Variants in MLPH observed in about 807,000 individuals in gnomAD.
MLPH encodes melanophilin, also known as exophilin-3.
A neutral mutation model predicts 72.1 loss-of-function variants in MLPH; 51 were observed. The observed-to-expected ratio is 0.71, with a 90% CI of 0.56 to 0.89. The LOEUF (loss-of-function observed/expected upper bound fraction) is 0.89. MLPH is among the 40% of genes least tolerant of loss of function. The pLI, the probability that MLPH is intolerant of heterozygous loss-of-function variation, is 0.00. For synonymous variants in MLPH, 301 were observed against 310.1 expected (o/e 0.97, Z 0.31); for missense variants, 743 against 759.9 (o/e 0.98, Z 0.26).
In MLPH at chr2:237,512,358, G is replaced by A. The variant is rs1381718772; in HGVS notation, c.445+1257G>A. On this transcript the variant is annotated intron_variant, in intron 4 of 15. Transcript: ENST00000264605. The surrounding 1 kb of genome is among the most constrained non-coding windows in gnomAD (Gnocchi z 5.5). ...AGCCCATCGTTTAATTTAGGACAGA[G>A]GCCACGGAGAGGCACCGCTGGAGCA... 6.6e-6 allele frequency among the ~76,000 whole-genome samples: 1 copy of A among 152,236 alleles called. No individual in the cohort carries two copies. Among genetic ancestry groups the A allele is most frequent in the Non-Finnish European group, 1.5e-5 (1 of 68,052 alleles).
intron 12 of MLPH, chr2:237,546,392 A>G (rs1409822273): frequency 6.8e-6 from 4 of 588,602 alleles, no homozygotes; most frequent in Non-Finnish European, 1.2e-5. Flanking sequence ...CTGAAATTCA[A>G]AGTTCCCTGG....
intron 12 of MLPH, chr2:237,545,620 A>AG: frequency 1.6e-6 from 2 of 1,286,140 alleles, no homozygotes; most frequent in Non-Finnish European, 2.0e-6. Flanking sequence ...AGGGCGCGGG[A>AG]GGCTCACATC....
chr2:237,510,848 G>A lies in MLPH; in HGVS notation c.332+53G>A, dbSNP rs2079877900. On this transcript the variant is annotated intron_variant, in intron 3 of 15. Transcript: ENST00000264605. This position sits in a 1 kb window ranked among gnomAD's most constrained non-coding sequence, Gnocchi z 4.4. ...CCTTGATAGTTTCTGGATCTGGCGT[G>A]TCCCTTCCATGGGGCTAGCTGAAGA... The A allele has an allele frequency of 6.2e-7, 1 of 1,603,002 alleles. No individual in the cohort carries two copies. Among genetic ancestry groups the A allele is most frequent in the African/African-American group, 1.3e-5 (1 of 74,812 alleles).
In MLPH at chr2:237,546,636, G is replaced by A; in HGVS notation, c.1570G>A (p.Gly524Ser). Reference protein sequence around the residue: ...IFLPRVAGKLGKRPEDPNADP... With the variant: ...IFLPRVAGKLSKRPEDPNADP... ...TCTCCCTCGAGTGGCTGGGAAACTTGGCAAGAGACCAGAGGACCCAAATGC... is the reference window on the plus strand; with the variant it reads ...TCTCCCTCGAGTGGCTGGGAAACTTAGCAAGAGACCAGAGGACCCAAATGC... Residue 524 changes from glycine (G) to serine (S), a missense_variant, in exon 13 of 16, where the codon GGC (glycine) becomes AGC (serine). By Grantham distance (56) the Gly-to-Ser change is moderately conservative. Transcript: ENST00000264605. 4 of 1,614,132 alleles carry A rather than the reference G, an allele frequency of 2.5e-6. No individual in the cohort carries two copies. The highest frequency in any genetic ancestry group is 3.4e-6 in the Non-Finnish European group (4 of 1,180,014).
At chr2:237,531,208 G>T (rs1048017391) in intron 8 of MLPH, among the ~76,000 whole-genome samples, 1 of 152,164 alleles carries the variant, frequency 6.6e-6, no homozygotes, top group Non-Finnish European at 1.5e-5. Flanking sequence ...TCAGGAAGTG[G>T]CTTTCTTGAC....
At chr2:237,530,359 C>G (rs943507535) in intron 8 of MLPH, among the ~76,000 whole-genome samples, 3 of 152,164 alleles carry the variant, frequency 2.0e-5, no homozygotes, top group Non-Finnish European at 4.4e-5. Context: ...GCTTCTGCAC[C>G]CAGAGAAATG....
rs1261678430 is a variant in MLPH, at chr2:237,525,582, G to A, written c.676-19G>A. On this transcript the variant is annotated intron_variant, in intron 6 of 15. Coordinates refer to ENST00000264605, the MANE Select transcript of MLPH (RefSeq NM_024101.7). ...CCTAGTAAACCCTGCAGAGGAGGCT[G>A]ACAGCCCCATGTGCTTAGTCCCTCA... 1.4e-5 allele frequency: 22 copies of A among 1,613,684 alleles called. No homozygotes were observed. Among genetic ancestry groups the A allele is most frequent in the Non-Finnish European group, 1.9e-5 (22 of 1,179,686 alleles).
chr2:237,552,535 T>G, intron 15 of MLPH, 98 bp downstream of exon 15: 1 of 1,031,178 alleles, frequency 9.7e-7, no homozygotes, highest in Non-Finnish European at 1.5e-6. Flanking sequence ...AAAATGGAGA[T>G]AAACAAAACA....
At position 237,493,511 on chromosome 2, in the gene MLPH, C is replaced by A. The variant is rs767436331; in HGVS notation, c.85C>A (p.Arg29=). ...LEVVQRDFDL[R]RKEEERLEAL... ...AGTTGTTCAACGAGATTTTGACCTC[C>A]GAAGGAAAGAAGAGGAACGGCTAGA... The change falls in exon 2 of 16, where the codon CGA becomes AGA. Residue 29 remains arginine (R), a synonymous_variant. Coordinates refer to ENST00000264605, the MANE Select transcript of MLPH (RefSeq NM_024101.7). 1 of 1,613,762 alleles carries A rather than the reference C, an allele frequency of 6.2e-7. No individual in the cohort carries two copies. Among genetic ancestry groups the A allele is most frequent in the Admixed American group, 1.7e-5 (1 of 60,004 alleles).
intron 1 of MLPH, among the ~76,000 whole-genome samples, chr2:237,488,718 G>C: frequency 6.6e-6 from 1 of 152,196 alleles, no homozygotes; most frequent in Non-Finnish European, 1.5e-5. Flanking sequence ...CGACATGAGT[G>C]ACTCAGAAAA....
Position 237,553,578 on chromosome 2 carries a change from G to T in MLPH, c.1789G>T (p.Ala597Ser), listed in dbSNP as rs368830696. Residue 597 changes from alanine to serine, a missense_variant, in exon 16 of 16, where the codon GCC (alanine) becomes TCC (serine). Ala to Ser is a moderately conservative substitution (Grantham distance 99). Coordinates refer to ENST00000264605, the MANE Select transcript of MLPH (RefSeq NM_024101.7). Reference sequence around the variant, plus strand: ...TTGTACTTTACAGAAACCTGTGGTGGCCCACCAGTCCTAACGGGACAGGAC... The same window carrying T: ...TTGTACTTTACAGAAACCTGTGGTGTCCCACCAGTCCTAACGGGACAGGAC... The part of the protein sequence containing the change: ...ASHTFAKPVV[A>S]HQS 5.6e-5 allele frequency: 90 copies of T among 1,614,026 alleles called. No homozygotes were observed. Among genetic ancestry groups the T allele is most frequent in the Non-Finnish European group, 7.4e-5 (87 of 1,180,042 alleles).
chr2:237,489,738 G>A, intron 1 of MLPH, among the ~76,000 whole-genome samples: 1 of 152,140 alleles, frequency 6.6e-6, no homozygotes, highest in East Asian at 1.9e-4. Context: ...TTGTTCCAAG[G>A]CTCCCCAAGC....
chr2:237,550,671 T>C (rs66722478), intron 14 of MLPH, among the ~76,000 whole-genome samples: 21,975 of 152,144 alleles, frequency 0.14, 2,582 homozygotes, highest in East Asian at 0.37. Context: ...TGCCTCTGCC[T>C]CCTGAGTAGC....
At position 237,518,431 on chromosome 2, in the gene MLPH, T is replaced by A. The variant is rs747075121; in HGVS notation, c.446-108T>A. ...GGTGAATGGATGAAGGAGGGAGGGA[T>A]GGGCAGGTAGATGGATAGATTAGTG... On this transcript the variant is annotated intron_variant, in intron 4 of 15. Transcript: ENST00000264605. 142 of 859,860 alleles carry A rather than the reference T, an allele frequency of 1.7e-4. 1 individual carries two copies. Among genetic ancestry groups the A allele is most frequent in the Middle Eastern group, 6.5e-4 (3 of 4,624 alleles). 53.3% of individuals were successfully genotyped at this position (859,860 alleles called of 1,614,324 possible). A position where few individuals can be genotyped will look rare whatever the true frequency, so the allele number is the denominator to read the frequency against.
rs921778262 is a variant in MLPH at position 237,540,473 on chromosome 2, C to A, written c.1230C>A (p.Asp410Glu). The stretch of plus-strand genomic sequence containing the variant: ...CGTCCGAGGAGGAGGAAGCCAAGGA[C>A]GAAAAGGCAGAGCCCAACAGGGACA... ...ETSSEEEEAK[D>E]EKAEPNRDKS... Residue 410 changes from aspartate (D) to glutamate (E), a missense_variant, in exon 10 of 16, where the codon GAC (aspartate) becomes GAA (glutamate). Transcript: ENST00000264605. 1 of 1,613,282 alleles carries A rather than the reference C, an allele frequency of 6.2e-7. No homozygotes were observed. The highest frequency in any genetic ancestry group is 8.5e-7 in the Non-Finnish European group (1 of 1,179,988).
intron 4 of MLPH, among the ~76,000 whole-genome samples, chr2:237,513,960 G>C (rs932910843): frequency 6.6e-6 from 1 of 152,174 alleles, no homozygotes; most frequent in Non-Finnish European, 1.5e-5. Flanking sequence ...AGATTCATTG[G>C]ACAAAAGATT....
chr2:237,552,199 A>T (rs2081053515), intron 14 of MLPH, 138 bp from the exon 15 acceptor site: 1 of 673,580 alleles, frequency 1.5e-6, no homozygotes, highest in Admixed American at 2.7e-5. Context: ...TTTTTAAAAA[A>T]TATGTGATGT....
Position 237,493,520 on chromosome 2 carries a change from G to T in MLPH, c.94G>T (p.Glu32Ter). 6.2e-7 allele frequency: 1 copy of T among 1,613,720 alleles called. No individual in the cohort carries two copies. The highest frequency in any genetic ancestry group is 1.1e-5 in the South Asian group (1 of 91,072). Residue 32 changes from glutamate to a stop codon, truncating the protein, a stop_gained, in exon 2 of 16, where the codon GAA becomes TAA. Coordinates refer to ENST00000264605, the MANE Select transcript of MLPH (RefSeq NM_024101.7). LOFTEE classifies it high-confidence loss of function. Reference protein sequence around the residue: ...VQRDFDLRRKEEERLEALKGK... With the variant: ...VQRDFDLRRK ...ACGAGATTTTGACCTCCGAAGGAAA[G>T]AAGAGGAACGGCTAGAGTGAGTGTG...
chr2:237,519,292 A>G (rs1286385015), intron 5 of MLPH, among the ~76,000 whole-genome samples: 1 of 151,952 alleles, frequency 6.6e-6, no homozygotes, highest in Non-Finnish European at 1.5e-5. Flanking sequence ...TTCAACATGA[A>G]CCAACTCTTT....
Sources: allele counts gnomAD v4.1 joint callset (sites outside exome capture counted in the v4.1 genomes callset), GRCh38; gene constraint gnomAD v4.1.1; non-coding constraint Gnocchi (gnomAD v3.1); transcripts MANE v1.5; gene names NCBI Gene and HGNC (gene_info 2026-07-23, HGNC 2026-07-21).